ZNF143: variants seen among roughly 807,000 people sequenced by gnomAD.
ZNF143 encodes SPH-binding factor.
A neutral mutation model predicts 74.1 loss-of-function variants in ZNF143; 49 were observed. The observed-to-expected ratio is 0.66, with a 90% CI of 0.53 to 0.84. The LOEUF (loss-of-function observed/expected upper bound fraction) is 0.84, where lower values mean the gene tolerates loss of function less well. Ranked by LOEUF, ZNF143 falls within the 40% of genes least tolerant of loss-of-function variation. The pLI, the probability that ZNF143 is intolerant of heterozygous loss-of-function variation, is 0.00. For synonymous variants in ZNF143, 304 were observed against 282.8 expected (o/e 1.07, Z -0.75); for missense variants, 637 against 793.4 (o/e 0.80, Z 2.37).
intron 1 of ZNF143, among the ~76,000 whole-genome samples, chr11:9,463,189 G>T (rs1700262133): frequency 6.6e-6 from 1 of 152,172 alleles, no homozygotes. Flanking sequence ...TCTGTTGATG[G>T]ACATTTGGGT....
chr11:9,525,730 C>T (rs1049975739), intron 15 of ZNF143, among the ~76,000 whole-genome samples: 1 of 152,146 alleles, frequency 6.6e-6, no homozygotes, highest in Non-Finnish European at 1.5e-5. Context: ...AGAGAAAAAC[C>T]TAGTGGAAAC....
intron 11 of ZNF143, among the ~76,000 whole-genome samples, chr11:9,506,282 A>C (rs967562767): frequency 2.0e-5 from 3 of 152,260 alleles, no homozygotes; most frequent in Non-Finnish European, 4.4e-5. Context: ...CAGTGAGTCG[A>C]GATCACACCA....
At chr11:9,490,133 G>T (rs888116465) in intron 7 of ZNF143, among the ~76,000 whole-genome samples, 1 of 152,062 alleles carries the variant, frequency 6.6e-6, no homozygotes, top group Admixed American at 6.6e-5. Flanking sequence ...GCAGTGAGCT[G>T]TGATTGTGCG....
At chr11:9,485,925 A>G (rs1847455271) in intron 7 of ZNF143, among the ~76,000 whole-genome samples, 2 of 151,112 alleles carry the variant, frequency 1.3e-5, no homozygotes, top group South Asian at 2.1e-4. Context: ...TTTATCCTCA[A>G]CCCTACTGAG....
At chr11:9,464,877 C>T (rs1198896684) in intron 1 of ZNF143, among the ~76,000 whole-genome samples, 1 of 151,740 alleles carries the variant, frequency 6.6e-6, no homozygotes, top group African/African-American at 2.4e-5. Context: ...GAGACGAGAT[C>T]GCGTCACTGT....
At chr11:9,469,215 CTTTTT>C (rs33968880) in intron 1 of ZNF143, among the ~76,000 whole-genome samples, 5 of 97,460 alleles carry the variant, frequency 5.1e-5, no homozygotes, top group Non-Finnish European at 7.8e-5. Flanking sequence ...CAGCAGGGGT[CTTTTT>C]TTTTTTTTTT....
intron 14 of ZNF143, among the ~76,000 whole-genome samples, chr11:9,523,916 C>A (rs1262680827): frequency 1.3e-5 from 2 of 151,298 alleles, no homozygotes; most frequent in Admixed American, 6.6e-5. Flanking sequence ...AGTGAGGTGC[C>A]GCATGCCTGT....
In ZNF143 at chr11:9,493,227, A is replaced by G. The variant is rs192946853; in HGVS notation, c.646-1419A>G. Among the ~76,000 whole-genome samples, 394 of 152,024 alleles carry G rather than the reference A, an allele frequency of 2.6e-3. 1 individual carries two copies. Among genetic ancestry groups the G allele is most frequent in the African/African-American group, 9.2e-3 (380 of 41,466 alleles). ...TGAGACTATAGGCACGCGCACCACCATGCCCAGCTAATTTTTGTATTTTTA... is the reference window on the plus strand; with the variant it reads ...TGAGACTATAGGCACGCGCACCACCGTGCCCAGCTAATTTTTGTATTTTTA... On this transcript the variant is annotated intron_variant, in intron 7 of 15. Transcript: ENST00000396602.
rs544943792 is a variant in ZNF143 at position 9,516,859 on chromosome 11, A to G, written c.1686+497A>G. Among the ~76,000 whole-genome samples the G allele has an allele frequency of 2.8e-4, 43 of 152,302 alleles. No homozygotes were observed. In the South Asian group the frequency reaches 7.5e-3, roughly 26 times the overall value. On this transcript the variant is annotated intron_variant, in intron 14 of 15. Coordinates refer to ENST00000396602, the MANE Select transcript of ZNF143 (RefSeq NM_003442.6). ...TTGTGTATTCTTCCAGTCATTAAGCATATACAAACAAATACAAATAAGTAA... is the reference window on the plus strand; with the variant it reads ...TTGTGTATTCTTCCAGTCATTAAGCGTATACAAACAAATACAAATAAGTAA...
chr11:9,493,584 G>A (rs962907776), intron 7 of ZNF143, among the ~76,000 whole-genome samples: 1 of 151,948 alleles, frequency 6.6e-6, no homozygotes, highest in African/African-American at 2.4e-5. Context: ...CTAATGCAGG[G>A]TACTTCTCAA....
chr11:9,463,760 G>A (rs976359724), intron 1 of ZNF143: 1 of 151,780 alleles, frequency 6.6e-6, no homozygotes, highest in African/African-American at 2.4e-5. Flanking sequence ...GACTGGTTGT[G>A]TTCTTCACAG....
At chr11:9,477,157 T>TC (rs1554962363) in intron 5 of ZNF143, among the ~76,000 whole-genome samples, 1 of 125,982 alleles carries the variant, frequency 7.9e-6, no homozygotes. Flanking sequence ...CTTCCTTCCT[T>TC]CCTTCCTTCC....
chr11:9,515,228 A>C (rs1259337759), intron 13 of ZNF143, among the ~76,000 whole-genome samples: 1 of 152,184 alleles, frequency 6.6e-6, no homozygotes, highest in Non-Finnish European at 1.5e-5. Context: ...AGATGTCAAC[A>C]TAGAGGATGG....
chr11:9,479,364 T>C, intron 6 of ZNF143, 108 bp from the exon 7 acceptor site: 1 of 765,038 alleles, frequency 1.3e-6, no homozygotes, highest in Non-Finnish European at 2.0e-6. Flanking sequence ...CATGTACTTT[T>C]TTTTCTTTTT....
chr11:9,467,296 C>CA (rs1174051058), intron 1 of ZNF143, among the ~76,000 whole-genome samples: 2 of 149,892 alleles, frequency 1.3e-5, no homozygotes, highest in African/African-American at 4.9e-5. Flanking sequence ...AGTGCAGTGG[C>CA]ACCATCTTGG....
chr11:9,486,445 T>TTATA (rs201824332), intron 7 of ZNF143, among the ~76,000 whole-genome samples: 10 of 35,458 alleles, frequency 2.8e-4, no homozygotes, highest in Non-Finnish European at 5.3e-4. Flanking sequence ...ATATAATATA[T>TTATA]TATATATATT....
chr11:9,507,528 T>A (rs1848406230), intron 11 of ZNF143, among the ~76,000 whole-genome samples: 1 of 152,198 alleles, frequency 6.6e-6, no homozygotes, highest in Non-Finnish European at 1.5e-5. Context: ...ATTCTTCCCC[T>A]CACTCTCGCC....
chr11:9,526,519 G>C (rs1262564684), intron 15 of ZNF143, among the ~76,000 whole-genome samples: 2 of 152,050 alleles, frequency 1.3e-5, no homozygotes, highest in Admixed American at 1.3e-4. Context: ...GGGTATAGAA[G>C]CTAAAGGCTC....
intron 7 of ZNF143, among the ~76,000 whole-genome samples, chr11:9,482,829 G>T (rs12806418): frequency 0.33 from 49,625 of 151,154 alleles, 10,009 homozygotes; most frequent in Non-Finnish European, 0.44. Context: ...TGAAGACATA[G>T]TACGATAAAA....
Sources: gnomAD v4.1 joint callset for allele counts (sites outside exome capture counted in the v4.1 genomes callset) on GRCh38, gnomAD v4.1.1 for gene constraint, MANE v1.5 for transcripts, NCBI Gene and HGNC (gene_info 2026-07-23, HGNC 2026-07-21) for gene names.